PIK3C2G: variants seen among roughly 807,000 people sequenced by gnomAD.
PIK3C2G encodes phosphatidylinositol 3-kinase C2 domain-containing subunit gamma.
Under a neutral mutation model 181.1 loss-of-function variants are expected in PIK3C2G, and 168 were observed. The ratio of observed to expected loss-of-function variants is 0.93; its 90% CI spans 0.82 to 1.05. The LOEUF (loss-of-function observed/expected upper bound fraction) is 1.05. Among genes scored for constraint, PIK3C2G ranks in the 50% least tolerant of loss-of-function variants. The pLI, the probability that PIK3C2G is intolerant of heterozygous loss-of-function variation, is 0.00. For synonymous variants in PIK3C2G, 573 were observed against 592.2 expected (o/e 0.97, Z 0.47); for missense variants, 1,869 against 1,732.8 (o/e 1.08, Z -1.40).
chr12:18,714,531 T>A, the PIK3C2G span: 2 of 152,164 alleles, frequency 1.3e-5, no homozygotes, highest in African/African-American at 4.8e-5. Flanking sequence ...CAAAACTGAA[T>A]CTGAGAGCTG....
At chr12:18,684,525 A>G in the PIK3C2G span, among the ~76,000 whole-genome samples, 2 of 151,998 alleles carry the variant, frequency 1.3e-5, no homozygotes, top group Admixed American at 6.6e-5. Context: ...CCACCCCATC[A>G]GGGTGGGATG....
chr12:18,701,020 T>C, the PIK3C2G span, among the ~76,000 whole-genome samples: 1 of 152,072 alleles, frequency 6.6e-6, no homozygotes, highest in Non-Finnish European at 1.5e-5. Flanking sequence ...TCTCTCATTC[T>C]GTTGCCCAGG....
In PIK3C2G at chr12:18,585,706, C is replaced by T. The variant is rs979514913; in HGVS notation, c.4012-8788C>T. Among the ~76,000 whole-genome samples, 6 of 152,276 alleles carry T rather than the reference C, an allele frequency of 3.9e-5. No individual in the cohort carries two copies. The South Asian group carries it at 6.2e-4, about 16-fold the overall frequency. On this transcript the variant is annotated intron_variant, in intron 29 of 32. Transcript: ENST00000538779. ...CATTGGACCAAATGGATCTAACAGA[C>T]GTCTTTGGAATTCTCCACCCAAAAA...
intron 13 of PIK3C2G, among the ~76,000 whole-genome samples, chr12:18,378,316 C>T (rs1942594851): frequency 6.9e-6 from 1 of 145,694 alleles, no homozygotes; most frequent in Non-Finnish European, 1.5e-5. Flanking sequence ...TCATGAGTTC[C>T]CCCCCCCGTA....
chr12:18,341,013 G>A (rs1278427846), intron 9 of PIK3C2G, among the ~76,000 whole-genome samples: 1 of 152,084 alleles, frequency 6.6e-6, no homozygotes, highest in African/African-American at 2.4e-5. Context: ...ATGTGTGGAT[G>A]TCGACACGTC....
At chr12:18,249,022 T>C (rs1386083121) in intron 1 of PIK3C2G, among the ~76,000 whole-genome samples, 1 of 152,200 alleles carries the variant, frequency 6.6e-6, no homozygotes, top group Non-Finnish European at 1.5e-5. Context: ...ATCTGGCACC[T>C]AATAGGCTTG....
chr12:18,416,283 A>C (rs529687725), intron 16 of PIK3C2G, among the ~76,000 whole-genome samples: 6 of 151,924 alleles, frequency 3.9e-5, no homozygotes, highest in South Asian at 2.1e-4. Flanking sequence ...AGGAAGGAAG[A>C]AAGCAAGCAA....
the PIK3C2G span, among the ~76,000 whole-genome samples, chr12:18,721,986 ATCTCTCTCTCAT>A: frequency 6.6e-6 from 1 of 151,750 alleles, no homozygotes; most frequent in Non-Finnish European, 1.5e-5. Flanking sequence ...CTCCAAACTC[ATCTCTCTCTCAT>A]TCTCAAAGTT....
At chr12:18,269,992 C>T (rs557039853) in intron 1 of PIK3C2G, among the ~76,000 whole-genome samples, 1 of 149,968 alleles carries the variant, frequency 6.7e-6, no homozygotes, top group African/African-American at 2.4e-5. Flanking sequence ...TCACTGCAAC[C>T]TCCACCTCCT....
intron 11 of PIK3C2G, among the ~76,000 whole-genome samples, chr12:18,348,726 T>C (rs534417792): frequency 1.3e-5 from 2 of 152,290 alleles, no homozygotes; most frequent in Admixed American, 6.5e-5. Context: ...CCTAGGGACC[T>C]AGTATATAAG....
At chr12:18,532,895 T>C (rs1420907972) in intron 24 of PIK3C2G, among the ~76,000 whole-genome samples, 2 of 151,814 alleles carry the variant, frequency 1.3e-5, no homozygotes, top group Non-Finnish European at 2.9e-5. Flanking sequence ...TTTTTTTTTT[T>C]TTTTTTCAGC....
intron 25 of PIK3C2G, among the ~76,000 whole-genome samples, chr12:18,542,168 C>T (rs1280850047): frequency 6.6e-6 from 1 of 151,754 alleles, no homozygotes; most frequent in East Asian, 2.0e-4. Flanking sequence ...ACAGAAGAAG[C>T]CTATCCTTAG....
intron 16 of PIK3C2G, 82 bp downstream of exon 16, chr12:18,399,929 A>C: frequency 1.4e-6 from 1 of 716,320 alleles, no homozygotes; most frequent in Non-Finnish European, 2.1e-6. Flanking sequence ...TAATTAATTC[A>C]ATAGCTATTC....
chr12:18,576,223 ACATGAAGGT>A, intron 29 of PIK3C2G, among the ~76,000 whole-genome samples: 1 of 152,328 alleles, frequency 6.6e-6, no homozygotes, highest in East Asian at 1.9e-4. Flanking sequence ...GCATAATCCC[ACATGAAGGT>A]CATGACAGAC....
At chr12:18,312,992 G>A (rs1213119788) in intron 5 of PIK3C2G, among the ~76,000 whole-genome samples, 6 of 151,986 alleles carry the variant, frequency 3.9e-5, no homozygotes, top group Admixed American at 3.9e-4. Flanking sequence ...TTCCATATAA[G>A]TAAAATTATC....
intron 1 of PIK3C2G, among the ~76,000 whole-genome samples, chr12:18,273,513 G>A (rs1193876064): frequency 6.6e-6 from 1 of 152,116 alleles, no homozygotes; most frequent in African/African-American, 2.4e-5. Context: ...TGTGAAGAAA[G>A]TCATTGGTAG....
upstream of PIK3C2G, among the ~76,000 whole-genome samples, chr12:18,246,115 T>G (rs1389233321): frequency 2.0e-5 from 3 of 152,140 alleles, no homozygotes; most frequent in Non-Finnish European, 2.9e-5. Context: ...TCATTGAGCT[T>G]CTCAGAACAG....
intron 12 of PIK3C2G, among the ~76,000 whole-genome samples, chr12:18,363,531 A>G (rs974688115): frequency 4.6e-5 from 7 of 151,868 alleles, no homozygotes; most frequent in South Asian, 2.1e-4. Context: ...CAGCTCTTCC[A>G]TGGTTACTGC....
rs1565560931 is a variant in PIK3C2G at position 18,290,897 on chromosome 12, T to C, written c.804T>C (p.Ser268=). The change falls in exon 4 of 33, where the codon TCT becomes TCC. Residue 268 remains serine (S), a synonymous_variant. Coordinates refer to ENST00000538779, the MANE Select transcript of PIK3C2G (RefSeq NM_001288772.2). ...ATGCAGCTGATGTTAATTTCAATTC[T>C]GGGAAGATCTGGAGCACTACTACAG... ...RYHAADVNFN[S]GKIWSTTTAF... 1 of 1,602,562 alleles carries C rather than the reference T, an allele frequency of 6.2e-7. No individual in the cohort carries two copies. The highest frequency in any genetic ancestry group is 8.5e-7 in the Non-Finnish European group (1 of 1,169,878).
Sources: gnomAD v4.1 joint callset for allele counts (sites outside exome capture counted in the v4.1 genomes callset) on GRCh38, gnomAD v4.1.1 for gene constraint, MANE v1.5 for transcripts, NCBI Gene and HGNC (gene_info 2026-07-23, HGNC 2026-07-21) for gene names.